Variants in TAF2 observed in about 807,000 individuals in gnomAD.
The protein encoded by TAF2 is TATA-box binding protein associated factor 2, also known as transcription initiation factor TFIID subunit 2.
A neutral mutation model predicts 138.5 loss-of-function variants in TAF2; 61 were observed. The observed-to-expected ratio is 0.44, with a 90% CI of 0.36 to 0.54. TAF2 has a LOEUF of 0.54. TAF2 is among the 20% of genes least tolerant of loss of function. TAF2 has a pLI of 0.00. For missense variants in TAF2, 1,090 were observed against 1,427.9 expected (o/e 0.76, Z 3.81); for synonymous variants, 475 against 469.9 (o/e 1.01, Z -0.14).
intron 24 of TAF2, 71 bp from the exon 25 acceptor site, chr8:119,742,727 A>G (rs1437875239): frequency 4.5e-6 from 7 of 1,569,502 alleles, no homozygotes; most frequent in Non-Finnish European, 5.2e-6. Flanking sequence ...AAAGGCTGAC[A>G]GGTTTTTATA....
intron 4 of TAF2, among the ~76,000 whole-genome samples, chr8:119,805,644 G>C (rs1014205085): frequency 1.3e-5 from 2 of 151,966 alleles, no homozygotes; most frequent in African/African-American, 2.4e-5. Context: ...GGCAGAGGTT[G>C]CAGTGAGCCA....
intron 18 of TAF2, chr8:119,762,918 A>G (rs1042251382): frequency 2.9e-5 from 5 of 175,176 alleles, no homozygotes; most frequent in African/African-American, 5.0e-5. Context: ...GGAAGCCACT[A>G]AAAAAAAAAA....
At chr8:119,788,742 G>A in intron 13 of TAF2, 48 bp downstream of exon 13, 1 of 1,314,366 alleles carries the variant, frequency 7.6e-7, no homozygotes, top group Non-Finnish European at 1.1e-6. Context: ...CTCTTCTATT[G>A]AAACTGAGGA....
intron 18 of TAF2, among the ~76,000 whole-genome samples, chr8:119,767,393 T>A (rs1821504135): frequency 6.6e-6 from 1 of 152,164 alleles, no homozygotes; most frequent in Non-Finnish European, 1.5e-5. Flanking sequence ...CCAGGGCAAG[T>A]GTGGAGCTGG....
chr8:119,760,983 A>G (rs539288642), intron 19 of TAF2, among the ~76,000 whole-genome samples: 2 of 152,330 alleles, frequency 1.3e-5, no homozygotes, highest in African/African-American at 4.8e-5. Flanking sequence ...TATTTTTAAT[A>G]TGTTTAGTGT....
At chr8:119,760,846 TGA>T in intron 19 of TAF2, 108 bp from the exon 20 acceptor site, 1 of 1,450,096 alleles carries the variant, frequency 6.9e-7, no homozygotes, top group Non-Finnish European at 9.6e-7. Flanking sequence ...AAAACTGATG[TGA>T]TTTTAATCCA....
intron 16 of TAF2, among the ~76,000 whole-genome samples, 156 bp from the exon 17 acceptor site, chr8:119,781,349 T>C (rs1442235935): frequency 6.6e-6 from 1 of 152,200 alleles, no homozygotes; most frequent in Non-Finnish European, 1.5e-5. Flanking sequence ...TTTATCACCA[T>C]TTCCAAGAAA....
At position 119,758,075 on chromosome 8, in the gene TAF2, T is replaced by C. The variant is rs1820819828; in HGVS notation, c.2766A>G (p.Val922=). The change falls in exon 21 of 26, where the codon GTA becomes GTG. Residue 922 remains valine (V), a splice_region_variant and synonymous_variant. Transcript: ENST00000378164. ...NMIQNDPVPY[V]RHKILNMLTK... ...AGCATCATAGCACATAAACTAACCT[T>C]ACATAGGGTACAGGGTCATTCTGAA... 6.2e-7 allele frequency: 1 copy of C among 1,612,932 alleles called. No homozygotes were observed. The highest frequency in any genetic ancestry group is 8.5e-7 in the Non-Finnish European group (1 of 1,179,258).
chr8:119,824,737 T>C (rs1825995501), intron 2 of TAF2, among the ~76,000 whole-genome samples: 1 of 152,198 alleles, frequency 6.6e-6, no homozygotes, highest in Admixed American at 6.5e-5. Context: ...GCTTGGGCCA[T>C]AGTTTCAGAT....
intron 6 of TAF2, among the ~76,000 whole-genome samples, chr8:119,800,770 TC>T (rs749358862): frequency 1.9e-4 from 29 of 152,310 alleles, no homozygotes; most frequent in Non-Finnish European, 3.7e-4. Flanking sequence ...ACTGAGGAGC[TC>T]ACCGAAAGCC....
At chr8:119,742,977 G>C (rs1226693855) in intron 24 of TAF2, among the ~76,000 whole-genome samples, 1 of 151,982 alleles carries the variant, frequency 6.6e-6, no homozygotes, top group African/African-American at 2.4e-5. Flanking sequence ...GCTGAGGCAA[G>C]AGAGTCACTT....
intron 2 of TAF2, among the ~76,000 whole-genome samples, chr8:119,827,635 T>G (rs979580729): frequency 5.9e-5 from 9 of 152,264 alleles, no homozygotes; most frequent in African/African-American, 2.2e-4. Flanking sequence ...CTTTAATTAG[T>G]AGACAATGTA....
At chr8:119,765,557 G>C (rs1466723810) in intron 18 of TAF2, among the ~76,000 whole-genome samples, 1 of 152,108 alleles carries the variant, frequency 6.6e-6, no homozygotes, top group Non-Finnish European at 1.5e-5. Context: ...AAAGCTGGAG[G>C]GGTGGACTGG....
In TAF2 at chr8:119,819,557, A is replaced by C. The variant is rs1228521827; in HGVS notation, c.139-51T>G. On this transcript the variant is annotated intron_variant, in intron 2 of 25. Transcript: ENST00000378164. ...CATTATAAAGACTGGTATGTTTCAG[A>C]ATATATTTCTTTTATTTTTACCACT... 11 of 1,466,190 alleles carry C rather than the reference A, an allele frequency of 7.5e-6. No individual in the cohort carries two copies. In the Admixed American group the frequency reaches 1.8e-4, roughly 25 times the overall value. 90.8% of individuals were successfully genotyped at this position (1,466,190 alleles called of 1,614,324 possible).
At chr8:119,762,763 T>G in intron 18 of TAF2, 155 bp from the exon 19 acceptor site, 1 of 616,504 alleles carries the variant, frequency 1.6e-6, no homozygotes, top group Non-Finnish European at 2.8e-6. Context: ...ACCCTTTGCA[T>G]GTGGTCACTC....
At chr8:119,758,048 A>G in intron 21 of TAF2, 25 bp downstream of exon 21, 1 of 1,594,756 alleles carries the variant, frequency 6.3e-7, no homozygotes, top group Middle Eastern at 1.7e-4. Context: ...ACAAAATATC[A>G]TAGCATCATA....
chr8:119,819,869 G>A (rs2634), intron 2 of TAF2, among the ~76,000 whole-genome samples: 6 of 151,888 alleles, frequency 4.0e-5, no homozygotes, highest in African/African-American at 1.5e-4. Context: ...AATCAGAAGG[G>A]TGATGAGTGA....
intron 3 of TAF2, among the ~76,000 whole-genome samples, chr8:119,806,732 T>C (rs1306973343): frequency 6.6e-6 from 1 of 152,158 alleles, no homozygotes; most frequent in Non-Finnish European, 1.5e-5. Context: ...CCTCCCAAAG[T>C]GCTGGGATTA....
Position 119,781,071 on chromosome 8 carries a change from T to C in TAF2, c.2235A>G (p.Gln745=). The change falls in exon 17 of 26, where the codon CAA becomes CAG. Residue 745 remains glutamine, a synonymous_variant. Transcript: ENST00000378164. ...ACTGTACCTTCTGTAGAAAATAGCT[T>C]TGAAAGCTCATAAAGTTGTTTGTTT... The part of the protein sequence containing the change: ...IVKTNNFMSF[Q]SYFLQKTMPV... 6.2e-7 allele frequency: 1 copy of C among 1,613,328 alleles called. No homozygotes were observed. The highest frequency in any genetic ancestry group is 8.5e-7 in the Non-Finnish European group (1 of 1,179,948).
Sources: gnomAD v4.1 joint callset for allele counts (sites outside exome capture counted in the v4.1 genomes callset) on GRCh38, gnomAD v4.1.1 for gene constraint, MANE v1.5 for transcripts, NCBI Gene and HGNC (gene_info 2026-07-23, HGNC 2026-07-21) for gene names.